Variants in WDR72 observed in about 807,000 individuals in gnomAD.
The protein encoded by WDR72 is WD repeat domain 72.
WDR72 carries 120 observed loss-of-function variants against 124.2 expected under a neutral mutation model. The ratio of observed to expected loss-of-function variants is 0.97; its 90% confidence interval spans 0.83 to 1.12. The LOEUF (loss-of-function observed/expected upper bound fraction) is 1.12. Among genes scored for constraint, WDR72 ranks in the 50% most tolerant of loss-of-function variants. The probability of loss-of-function intolerance (pLI) is 0.00; values close to 1 mark genes in which losing one functional copy is unlikely to be tolerated. For missense variants in WDR72, 1,387 were observed against 1,278.8 expected (o/e 1.08, Z -1.29); for synonymous variants, 452 against 441.7 (o/e 1.02, Z -0.29).
intron 18 of WDR72, among the ~76,000 whole-genome samples, chr15:53,543,723 T>C (rs1056505011): frequency 1.1e-4 from 17 of 151,554 alleles, no homozygotes; most frequent in African/African-American, 3.1e-4. Flanking sequence ...TCTGAAAAGA[T>C]CAACAAAATT....
intron 18 of WDR72, among the ~76,000 whole-genome samples, chr15:53,574,242 C>A: frequency 6.6e-6 from 1 of 152,076 alleles, no homozygotes; most frequent in East Asian, 1.9e-4. Context: ...TAATTTCAGC[C>A]GAAGTGAAAA....
chr15:53,635,103 T>C (rs999175940), intron 14 of WDR72, among the ~76,000 whole-genome samples: 1 of 152,322 alleles, frequency 6.6e-6, no homozygotes, highest in East Asian at 1.9e-4. Flanking sequence ...CTTTCAGAAA[T>C]AATGCTGACT....
chr15:53,621,458 T>C (rs1411875889), intron 14 of WDR72, among the ~76,000 whole-genome samples: 1 of 145,012 alleles, frequency 6.9e-6, no homozygotes, highest in Non-Finnish European at 1.5e-5. Context: ...TATATATATA[T>C]GATAGAGTAC....
chr15:53,580,067 A>C (rs1197752393), intron 18 of WDR72, among the ~76,000 whole-genome samples: 5 of 152,072 alleles, frequency 3.3e-5, no homozygotes, highest in African/African-American at 9.7e-5. Flanking sequence ...GAAATTACCC[A>C]AGATAGCTGC....
intron 3 of WDR72, 114 bp downstream of exon 3, chr15:53,722,688 G>T: frequency 1.1e-6 from 1 of 873,812 alleles, no homozygotes; most frequent in South Asian, 1.4e-5. Context: ...TCCTATATGT[G>T]AGAGGCACAT....
At chr15:53,599,707 G>A (rs1206773320) in intron 17 of WDR72, among the ~76,000 whole-genome samples, 1 of 152,034 alleles carries the variant, frequency 6.6e-6, no homozygotes, top group African/African-American at 2.4e-5. Context: ...CCAGAGGCAT[G>A]CCCACAACTG....
chr15:53,678,787 T>C (rs1264613277), intron 13 of WDR72, among the ~76,000 whole-genome samples: 1 of 152,230 alleles, frequency 6.6e-6, no homozygotes, highest in East Asian at 1.9e-4. Context: ...GTCTAAAGCA[T>C]CTGTGTTGAC....
chr15:53,647,849 C>T (rs1179892716), intron 14 of WDR72, among the ~76,000 whole-genome samples: 1 of 152,070 alleles, frequency 6.6e-6, no homozygotes, highest in Non-Finnish European at 1.5e-5. Context: ...CAGGTGGAAA[C>T]AAGAGAGGCC....
At chr15:53,629,747 C>T (rs966456706) in intron 14 of WDR72, among the ~76,000 whole-genome samples, 3 of 151,866 alleles carry the variant, frequency 2.0e-5, no homozygotes, top group Admixed American at 6.6e-5. Context: ...GCCTTATTCT[C>T]ATTGCCCCTC....
At chr15:53,690,924 T>C (rs1386214370) in intron 13 of WDR72, among the ~76,000 whole-genome samples, 1 of 152,164 alleles carries the variant, frequency 6.6e-6, no homozygotes, top group Admixed American at 6.5e-5. Context: ...CCACCAGCAA[T>C]GTACAAGGGT....
chr15:53,700,729 T>A (rs980596193), intron 12 of WDR72, among the ~76,000 whole-genome samples: 1 of 152,136 alleles, frequency 6.6e-6, no homozygotes, highest in Non-Finnish European at 1.5e-5. Context: ...ACATGTTTTC[T>A]TTCCTAATTC....
rs1267343255 is a variant in WDR72, at chr15:53,595,460, T to C, written c.3148+1619A>G. On this transcript the variant is annotated intron_variant, in intron 18 of 19. Transcript: ENST00000360509. Reference sequence around the variant, plus strand: ...GGGCACAATCTGGTGAAACCTCAAATATGAGTAAGCCAAATGACAGAAAAA... The same window carrying C: ...GGGCACAATCTGGTGAAACCTCAAACATGAGTAAGCCAAATGACAGAAAAA... Among the ~76,000 whole-genome samples, 5 of 152,100 alleles carry C rather than the reference T, an allele frequency of 3.3e-5. No homozygotes were observed. In the South Asian group the frequency reaches 1.0e-3, roughly 31 times the overall value.
chr15:53,671,297 C>T (rs1195582595), intron 13 of WDR72, among the ~76,000 whole-genome samples: 2 of 152,160 alleles, frequency 1.3e-5, no homozygotes, highest in East Asian at 3.9e-4. Context: ...CTAGCTCTAG[C>T]ACATCCTTCA....
At chr15:53,633,919 T>C (rs1322127267) in intron 14 of WDR72, among the ~76,000 whole-genome samples, 2 of 152,144 alleles carry the variant, frequency 1.3e-5, no homozygotes, top group African/African-American at 4.8e-5. Context: ...ATAAAGAATA[T>C]ACATTCTTTA....
At chr15:53,639,330 C>T (rs1293752186) in intron 14 of WDR72, among the ~76,000 whole-genome samples, 2 of 152,002 alleles carry the variant, frequency 1.3e-5, no homozygotes, top group Non-Finnish European at 2.9e-5. Context: ...CCTAATTCAT[C>T]TCACTTAAAT....
intron 14 of WDR72, chr15:53,652,015 T>C (rs886304163): frequency 1.3e-5 from 2 of 152,322 alleles, no homozygotes; most frequent in African/African-American, 4.8e-5. Context: ...AAATGTAGCA[T>C]CTGTTTTTAT....
At chr15:53,746,604 C>G (rs1220535882) in intron 1 of WDR72, among the ~76,000 whole-genome samples, 3 of 152,186 alleles carry the variant, frequency 2.0e-5, no homozygotes, top group African/African-American at 7.2e-5. Flanking sequence ...TGAATCCCAT[C>G]TCTTAAGTGG....
chr15:53,561,505 AC>A (rs1894123653), intron 18 of WDR72, among the ~76,000 whole-genome samples: 6 of 151,830 alleles, frequency 4.0e-5, no homozygotes, highest in Admixed American at 4.0e-4. Context: ...ATTTCCTCAT[AC>A]AAATAAAGGA....
intron 11 of WDR72, among the ~76,000 whole-genome samples, chr15:53,704,358 G>A (rs1200327604): frequency 6.6e-6 from 1 of 152,106 alleles, no homozygotes. Context: ...TTAAAAGACT[G>A]TATGTTGTTA....
Sources: allele counts gnomAD v4.1 joint callset (sites outside exome capture counted in the v4.1 genomes callset), GRCh38; gene constraint gnomAD v4.1.1; transcripts MANE v1.5; gene names NCBI Gene and HGNC (gene_info 2026-07-23, HGNC 2026-07-21).